The following MXRA5 variants were observed in gnomAD, a reference collection of about 807,000 sequenced individuals.
The protein encoded by MXRA5 is matrix remodeling associated 5.
In MXRA5, 41 loss-of-function variants were observed where a neutral mutation model predicts 112.5. The ratio of observed to expected loss-of-function variants is 0.36; its 90% CI spans 0.28 to 0.47. The LOEUF is 0.47. Among genes scored for constraint, MXRA5 ranks in the 20% least tolerant of loss-of-function variants. The pLI, the probability that MXRA5 is intolerant of heterozygous loss-of-function variation, is 0.99. For synonymous variants in MXRA5, 862 were observed against 900.8 expected, an observed-to-expected ratio of 0.96 and a Z score of 0.77; for missense variants, 2,150 against 2,251.0, an observed-to-expected ratio of 0.96 and a Z score of 0.91.
chrX:3,345,614 C>G (rs1922088964), intron 1 of MXRA5, among the ~76,000 whole-genome samples: 1 of 113,173 alleles, frequency 8.8e-6, no homozygotes, highest in African/African-American at 3.2e-5. Flanking sequence ...CCCGGGGACT[C>G]GGGGTCGGGT....
chrX:3,346,111 C>T (rs1293438758), intron 1 of MXRA5, among the ~76,000 whole-genome samples: 1 of 111,758 alleles, frequency 8.9e-6, no homozygotes, highest in African/African-American at 3.3e-5. Context: ...TCCTTTCCCC[C>T]ACCGATTGCA....
In MXRA5 at chrX:3,343,776, G is replaced by A. The variant is rs1243938719; in HGVS notation, c.58C>T (p.His20Tyr). The stretch of plus-strand genomic sequence containing the variant: ...GGGCAGGCCAGCGCCACTCGCGGAT[G>A]GCCCCAAAGCAGGATCAGCACCACG... ...LSVVLILLWG[H>Y]PRVALACPHP... The change falls in exon 2 of 7, where the codon CAT becomes TAT. Residue 20 changes from histidine (H) to tyrosine (Y), a missense_variant. Physicochemically the swap from His to Tyr is moderately conservative, Grantham distance 83 (BLOSUM62 2). This residue lies in a region of MXRA5 where 386 missense variants were observed against 411.0 expected (regional missense o/e 0.94). Transcript: ENST00000217939. 1.4e-5 allele frequency: 17 copies of A among 1,209,675 alleles called. No individual in the cohort carries two copies. Among genetic ancestry groups the A allele is most frequent in the Non-Finnish European group, 1.9e-5 (17 of 895,087 alleles).
Position 3,323,653 on chromosome X carries a change from T to G in MXRA5, c.2032A>C (p.Lys678Gln). Residue 678 changes from lysine to glutamine, a missense_variant, in exon 5 of 7, where the codon AAA becomes CAA. Around this residue, in one of 6 missense-constraint regions of MXRA5, gnomAD observed 1,485 missense variants for 1,471.6 expected, o/e 1.01. Coordinates refer to ENST00000217939, the MANE Select transcript of MXRA5 (RefSeq NM_015419.4). Reference protein sequence around the residue: ...VTKKGSGLPSKRGRRPGAKAL... With the variant: ...VTKKGSGLPSQRGRRPGAKAL... Reference sequence around the variant, plus strand: ...TTTGCACCTGGGCGTCTGCCTCTTTTGGATGGCAAGCCAGACCCTTTCTTG... The same window carrying G: ...TTTGCACCTGGGCGTCTGCCTCTTTGGGATGGCAAGCCAGACCCTTTCTTG... 1 of 1,211,065 alleles carries G rather than the reference T, an allele frequency of 8.3e-7. No homozygotes were observed. The highest frequency in any genetic ancestry group is 1.1e-6 in the Non-Finnish European group (1 of 895,069).
In MXRA5 at chrX:3,323,121, A is replaced by G. The variant is rs752372691; in HGVS notation, c.2564T>C (p.Leu855Ser). ...CATGCTGGCTGAGGAAATGGTACCC[A>G]AAACGTGCTCTTCTTCACCAAGTAG... ...VPLLGEEEHV[L>S]GTISSASMGL... is the part of the protein sequence containing the mutation. Residue 855 changes from leucine (L) to serine (S), a missense_variant, in exon 5 of 7, where the codon TTG becomes TCG. Leu to Ser is a moderately radical substitution (Grantham distance 145). This residue lies in a region of MXRA5 where 1,485 missense variants were observed against 1,471.6 expected (regional missense o/e 1.01). Coordinates refer to ENST00000217939, the MANE Select transcript of MXRA5 (RefSeq NM_015419.4). 29 of 1,211,687 alleles carry G rather than the reference A, an allele frequency of 2.4e-5. No individual in the cohort carries two copies. In the South Asian group the frequency reaches 4.9e-4, roughly 21 times the overall value.
rs1470717890 is a variant in MXRA5 at position 3,321,748 on chromosome X, G to T, written c.3937C>A (p.Leu1313Ile). Residue 1313 changes from leucine to isoleucine, a missense_variant, in exon 5 of 7, where the codon CTT becomes ATT. Coordinates refer to ENST00000217939, the MANE Select transcript of MXRA5 (RefSeq NM_015419.4). ...GATGTGGGTTTATATGTGACTGGAA[G>T]TGTCTCTTGGACTTTAGGGTAAGAT... ...YSSYPKVQET[L>I]PVTYKPTSDG... 8.3e-7 allele frequency: 1 copy of T among 1,209,258 alleles called. No homozygotes were observed. Among genetic ancestry groups the T allele is most frequent in the African/African-American group, 1.7e-5 (1 of 57,192 alleles).
At chrX:3,316,177 G>A (rs1166750500) in intron 6 of MXRA5, among the ~76,000 whole-genome samples, 2 of 91,099 alleles carry the variant, frequency 2.2e-5, no homozygotes, top group Admixed American at 1.2e-4. Flanking sequence ...AGCCAGGCGT[G>A]GTGGCGGGCG....
In MXRA5 at chrX:3,320,805, T is replaced by C. The variant is rs1488839644; in HGVS notation, c.4880A>G (p.Gln1627Arg). The C allele has an allele frequency of 1.7e-6, 2 of 1,212,089 alleles. No individual in the cohort carries two copies. Among genetic ancestry groups the C allele is most frequent in the Admixed American group, 2.2e-5 (1 of 46,070 alleles). ...ATVRLPEMST[Q>R]SASRYFVTSQ... ...AGTTACAAAGTATCTGGAAGCGCTT[T>C]GTGTGGACATTTCAGGCAGCCTCAC... The change falls in exon 5 of 7, where the codon CAA becomes CGA. Residue 1627 changes from glutamine (Q) to arginine (R), a missense_variant. Physicochemically the swap from Gln to Arg is conservative, Grantham distance 43 (BLOSUM62 1). Around this residue, in one of 6 missense-constraint regions of MXRA5, gnomAD observed 1,485 missense variants for 1,471.6 expected, o/e 1.01. Coordinates refer to ENST00000217939, the MANE Select transcript of MXRA5 (RefSeq NM_015419.4).
In MXRA5 at chrX:3,317,148, A is replaced by C. The variant is rs1198558601; in HGVS notation, c.6533T>G (p.Ile2178Ser). 1.7e-6 allele frequency: 2 copies of C among 1,196,056 alleles called. No individual in the cohort carries two copies. Among genetic ancestry groups the C allele is most frequent in the Non-Finnish European group, 2.3e-6 (2 of 888,054 alleles). The change falls in exon 6 of 7, where the codon ATC (isoleucine) becomes AGC (serine). Residue 2178 changes from isoleucine (I) to serine (S), a missense_variant. By Grantham distance (142) the Ile-to-Ser change is moderately radical (BLOSUM62 -2). Coordinates refer to ENST00000217939, the MANE Select transcript of MXRA5 (RefSeq NM_015419.4). ...CCTCTTGGACGGCAGCCTCCAGAGG[A>C]TGCGCGGCCAGGGGTCCCCCGAGGC... Reference protein sequence around the residue: ...CSASGDPWPRILWRLPSKRMI... With the variant: ...CSASGDPWPRSLWRLPSKRMI...
chrX:3,319,517 C>T (rs1921238764), intron 5 of MXRA5, among the ~76,000 whole-genome samples: 1 of 112,863 alleles, frequency 8.9e-6, no homozygotes, highest in South Asian at 3.7e-4. Flanking sequence ...TGGCCAGCCA[C>T]CCCTGCCCAG....
At position 3,317,828 on chromosome X, in the gene MXRA5, T is replaced by C; in HGVS notation, c.5853A>G (p.Gln1951=). ...VLLSVTVQQP[Q]ILASHYQDVT... ...CGTCCTGGTAGTGGGAGGCTAGGAT[T>C]TGAGGTTGCTGCACGGTGACCGAAA... Residue 1951 remains glutamine (Q), a synonymous_variant, in exon 6 of 7, where the codon CAA becomes CAG. Transcript: ENST00000217939. 8.3e-7 allele frequency: 1 copy of C among 1,210,996 alleles called. No individual in the cohort carries two copies. The highest frequency in any genetic ancestry group is 1.1e-6 in the Non-Finnish European group (1 of 895,298).
At chrX:3,315,363 AGATAGATAGAATAGATAGATAGATAGAT>A (rs202233495) in intron 6 of MXRA5, among the ~76,000 whole-genome samples, 1,507 of 42,096 alleles carry the variant, frequency 0.036, 336 homozygotes, top group African/African-American at 0.063. Context: ...ATAGATAGAT[AGATAGATAGAATAGATAGATAGATAGAT>A]GATAGATAGA....
chrX:3,314,741 T>A (rs1487264606), intron 6 of MXRA5, among the ~76,000 whole-genome samples: 1 of 110,205 alleles, frequency 9.1e-6, no homozygotes, highest in East Asian at 2.9e-4. Context: ...TTGAGCAGCA[T>A]CTCCGGGCTC....
At chrX:3,341,026 A>C (rs867326276) in intron 2 of MXRA5, among the ~76,000 whole-genome samples, 2 of 55,844 alleles carry the variant, frequency 3.6e-5, no homozygotes, top group Admixed American at 2.7e-4. Context: ...TGATATATAT[A>C]ATGTATAATA....
Position 3,324,611 on chromosome X carries a change from A to G in MXRA5, c.1074T>C (p.Asn358=). ...NQTDPPDIDI[N]ATVALDFECP... ...ACTCAAAGTCCAAGGCAACTGTTGCATTTATGTCAATATCTGGAGGATCCG... is the reference window on the plus strand; with the variant it reads ...ACTCAAAGTCCAAGGCAACTGTTGCGTTTATGTCAATATCTGGAGGATCCG... The change falls in exon 5 of 7, where the codon AAT becomes AAC. Residue 358 remains asparagine, a synonymous_variant. Coordinates refer to ENST00000217939, the MANE Select transcript of MXRA5 (RefSeq NM_015419.4). 8.3e-7 allele frequency: 1 copy of G among 1,210,978 alleles called. No individual in the cohort carries two copies.
chrX:3,339,324 G>A (rs1921862342), intron 2 of MXRA5, among the ~76,000 whole-genome samples: 1 of 110,234 alleles, frequency 9.1e-6, no homozygotes, highest in Non-Finnish European at 1.9e-5. Context: ...GAGTGCAGTG[G>A]CGCGATCTTG....
chrX:3,339,166 A>G (rs1452498213), intron 2 of MXRA5, among the ~76,000 whole-genome samples: 1 of 111,537 alleles, frequency 9.0e-6, no homozygotes, highest in Non-Finnish European at 1.9e-5. Flanking sequence ...TTCCCCTTTC[A>G]GGAAGGCACC....
intron 2 of MXRA5, among the ~76,000 whole-genome samples, chrX:3,335,563 A>G (rs1921767302): frequency 8.9e-6 from 1 of 112,332 alleles, no homozygotes; most frequent in Admixed American, 9.5e-5. Flanking sequence ...ATGATTTAGC[A>G]CACAAGAGAG....
At chrX:3,328,862 G>A (rs1162307105) in intron 4 of MXRA5, among the ~76,000 whole-genome samples, 2 of 101,260 alleles carry the variant, frequency 2.0e-5, no homozygotes, top group Non-Finnish European at 4.0e-5. Flanking sequence ...AGGAAGGCAG[G>A]AGAGAAGGCA....
rs1379144307 is a variant in MXRA5, at chrX:3,323,126, G to T, written c.2559C>A (p.His853Gln). Residue 853 changes from histidine (H) to glutamine (Q), a missense_variant, in exon 5 of 7, where the codon CAC (histidine) becomes CAA (glutamine). Transcript: ENST00000217939. ...ADVPLLGEEE[H>Q]VLGTISSASM... is the part of the protein sequence containing the mutation. ...TGGCTGAGGAAATGGTACCCAAAAC[G>T]TGCTCTTCTTCACCAAGTAGAGGTA... is the stretch of plus-strand genomic sequence containing the variant. The T allele has an allele frequency of 8.3e-7, 1 of 1,209,282 alleles. No homozygotes were observed. Among genetic ancestry groups the T allele is most frequent in the Admixed American group, 2.2e-5 (1 of 45,648 alleles).
Sources: gnomAD v4.1 joint callset for allele counts (sites outside exome capture counted in the v4.1 genomes callset) on GRCh38, gnomAD v4.1.1 for gene constraint, gnomAD v4.1.1 regional missense constraint, MANE v1.5 for transcripts, NCBI Gene and HGNC (gene_info 2026-07-23, HGNC 2026-07-21) for gene names.